The following SLC25A24 variants were observed in gnomAD, a reference collection of about 807,000 sequenced individuals.
SLC25A24 encodes solute carrier family 25 member 24.
Under a neutral mutation model 60.7 loss-of-function variants are expected in SLC25A24, and 49 were observed. The observed-to-expected ratio is 0.81, with a 90% CI of 0.64 to 1.02. SLC25A24 has a LOEUF of 1.02. Ranked by LOEUF, SLC25A24 falls within the 50% of genes least tolerant of loss-of-function variation. SLC25A24 has a pLI of 0.00. For synonymous variants in SLC25A24, 202 were observed against 200.6 expected (o/e 1.01, Z -0.06); for missense variants, 564 against 586.3 (o/e 0.96, Z 0.39).
chr1:108,169,780 G>C (rs1571298325), intron 3 of SLC25A24, among the ~76,000 whole-genome samples: 1 of 152,116 alleles, frequency 6.6e-6, no homozygotes, highest in East Asian at 1.9e-4. Flanking sequence ...TCTTCATTCA[G>C]TCCCAGTAAG....
chr1:108,162,803 A>G (rs1397740970), intron 3 of SLC25A24, among the ~76,000 whole-genome samples: 2 of 150,466 alleles, frequency 1.3e-5, no homozygotes, highest in South Asian at 2.1e-4. Flanking sequence ...GTTTAATTAG[A>G]TCCCATTTGT....
At chr1:108,176,923 C>G (rs1647692883) in intron 3 of SLC25A24, among the ~76,000 whole-genome samples, 2 of 152,056 alleles carry the variant, frequency 1.3e-5, no homozygotes, top group African/African-American at 4.8e-5. Flanking sequence ...ACAAAAACAT[C>G]TGAAAGTATA....
At chr1:108,189,042 T>C (rs1648249960) in intron 1 of SLC25A24, among the ~76,000 whole-genome samples, 2 of 152,252 alleles carry the variant, frequency 1.3e-5, no homozygotes, top group African/African-American at 4.8e-5. Context: ...GCTTCTTTTT[T>C]AATCTGTCAT....
intron 3 of SLC25A24, among the ~76,000 whole-genome samples, chr1:108,164,148 G>T (rs1297340079): frequency 3.3e-5 from 5 of 151,884 alleles, no homozygotes; most frequent in Non-Finnish European, 7.4e-5. Flanking sequence ...AAGCCCACTT[G>T]ATCATGGTGG....
chr1:108,134,816 CA>C lies in SLC25A24; in HGVS notation c.*1836del, dbSNP rs1378487561. On this transcript the variant is annotated 3_prime_UTR_variant, in exon 10 of 10. Coordinates refer to ENST00000565488, the MANE Select transcript of SLC25A24 (RefSeq NM_013386.5). Reference sequence around the variant, plus strand: ...TCTAAAAAAAATAAAAACTGGAAAACAAGTAATTTTAGAAACAAATATATAT... The same window carrying C: ...TCTAAAAAAAATAAAAACTGGAAAACAGTAATTTTAGAAACAAATATATAT... The C allele has an allele frequency of 6.6e-6, 1 of 150,742 alleles. No homozygotes were observed. Among genetic ancestry groups the C allele is most frequent in the Non-Finnish European group, 1.5e-5 (1 of 67,710 alleles). 9.3% of individuals were successfully genotyped at this position (150,742 alleles called of 1,614,324 possible). A position where few individuals can be genotyped will look rare whatever the true frequency, so the allele number is the denominator to read the frequency against.
At position 108,136,008 on chromosome 1, in the gene SLC25A24, T is replaced by C. The variant is rs1679272808; in HGVS notation, c.*645A>G. 1 of 152,218 alleles carries C rather than the reference T, an allele frequency of 6.6e-6. No homozygotes were observed. Among genetic ancestry groups the C allele is most frequent in the South Asian group, 2.1e-4 (1 of 4,832 alleles). The allele number at this position is 152,218 out of a possible 1,614,324, so 9.4% of individuals were successfully genotyped here. Reference sequence around the variant, plus strand: ...AACAGTAATATACTGAAAATTAGTGTATAACTCCAGGAACCAAATAATGGT... The same window carrying C: ...AACAGTAATATACTGAAAATTAGTGCATAACTCCAGGAACCAAATAATGGT... On this transcript the variant is annotated 3_prime_UTR_variant, in exon 10 of 10. Coordinates refer to ENST00000565488, the MANE Select transcript of SLC25A24 (RefSeq NM_013386.5).
chr1:108,144,393 C>A (rs1466417710), intron 7 of SLC25A24, among the ~76,000 whole-genome samples: 2 of 151,976 alleles, frequency 1.3e-5, no homozygotes, highest in African/African-American at 4.8e-5. Context: ...AATATTAGGT[C>A]TCGGTTGTAT....
rs1033919858 is a variant in SLC25A24 at position 108,136,497 on chromosome 1, T to C, written c.*156A>G. On this transcript the variant is annotated 3_prime_UTR_variant, in exon 10 of 10. Transcript: ENST00000565488. Reference sequence around the variant, plus strand: ...TGAACATTTCTGTGTACATATAATTTAGCCCAAAAGTTTGAAGTGACCATT... The same window carrying C: ...TGAACATTTCTGTGTACATATAATTCAGCCCAAAAGTTTGAAGTGACCATT... 1 of 610,624 alleles carries C rather than the reference T, an allele frequency of 1.6e-6. No homozygotes were observed. Among genetic ancestry groups the C allele is most frequent in the Non-Finnish European group, 2.9e-6 (1 of 348,294 alleles). 37.8% of individuals were successfully genotyped at this position (610,624 alleles called of 1,614,324 possible).
At chr1:108,148,788 C>T (rs1571281832) in intron 6 of SLC25A24, among the ~76,000 whole-genome samples, 1 of 152,284 alleles carries the variant, frequency 6.6e-6, no homozygotes, top group East Asian at 1.9e-4. Context: ...TTTATGGCAG[C>T]CCAAGCCAAC....
intron 3 of SLC25A24, among the ~76,000 whole-genome samples, chr1:108,172,793 C>T (rs1647506431): frequency 6.6e-6 from 1 of 152,154 alleles, no homozygotes; most frequent in African/African-American, 2.4e-5. Flanking sequence ...ATGAGTAACA[C>T]TAATGGCTTA....
chr1:108,155,341 A>G (rs1679867495), intron 5 of SLC25A24, among the ~76,000 whole-genome samples: 1 of 152,130 alleles, frequency 6.6e-6, no homozygotes, highest in Non-Finnish European at 1.5e-5. Context: ...TCTAAAACTA[A>G]GAATAATTGG....
chr1:108,161,963 C>G (rs1680099547), intron 3 of SLC25A24, among the ~76,000 whole-genome samples: 2 of 131,756 alleles, frequency 1.5e-5, no homozygotes, highest in African/African-American at 2.8e-5. Flanking sequence ...CACCCCACAA[C>G]AGTCCCCAGA....
At chr1:108,182,929 T>C (rs1647981071) in intron 2 of SLC25A24, among the ~76,000 whole-genome samples, 2 of 151,742 alleles carry the variant, frequency 1.3e-5, no homozygotes, top group African/African-American at 4.8e-5. Flanking sequence ...ACTAGGGAAA[T>C]TAGAGCGTGT....
intron 2 of SLC25A24, among the ~76,000 whole-genome samples, chr1:108,182,388 A>G (rs1647960954): frequency 6.6e-6 from 1 of 152,230 alleles, no homozygotes; most frequent in Admixed American, 6.5e-5. Flanking sequence ...AAATTCAATT[A>G]AAGTAGGATC....
At chr1:108,155,879 C>T (rs1431839666) in intron 5 of SLC25A24, among the ~76,000 whole-genome samples, 1 of 151,954 alleles carries the variant, frequency 6.6e-6, no homozygotes, top group Non-Finnish European at 1.5e-5. Context: ...GTCCAATACA[C>T]CAAAAATAAT....
chr1:108,182,906 G>C (rs1647980250), intron 2 of SLC25A24, among the ~76,000 whole-genome samples: 2 of 151,990 alleles, frequency 1.3e-5, no homozygotes, highest in Admixed American at 1.3e-4. Flanking sequence ...ACAAAAGACA[G>C]AAAATTTTTA....
At chr1:108,157,680 T>G in intron 4 of SLC25A24, 60 bp from the exon 5 acceptor site, 3 of 1,558,852 alleles carry the variant, frequency 1.9e-6, no homozygotes, top group Non-Finnish European at 1.7e-6. Context: ...CAGAAGACGT[T>G]TTGTTTTAGA....
At chr1:108,153,824 T>G (rs1679815583) in intron 6 of SLC25A24, among the ~76,000 whole-genome samples, 1 of 152,222 alleles carries the variant, frequency 6.6e-6, no homozygotes, top group Non-Finnish European at 1.5e-5. Flanking sequence ...CATATTTGCT[T>G]GCAATACCCA....
intron 1 of SLC25A24, among the ~76,000 whole-genome samples, chr1:108,188,666 G>A (rs149105332): frequency 6.6e-6 from 1 of 152,278 alleles, no homozygotes; most frequent in African/African-American, 2.4e-5. Flanking sequence ...GAAAAGAAAA[G>A]CTTTTTATTG....
Sources: allele counts gnomAD v4.1 joint callset (sites outside exome capture counted in the v4.1 genomes callset), GRCh38; gene constraint gnomAD v4.1.1; transcripts MANE v1.5; gene names NCBI Gene and HGNC (gene_info 2026-07-23, HGNC 2026-07-21).